INSC: variants seen among roughly 807,000 people sequenced by gnomAD.
INSC encodes the protein INSC spindle orientation adaptor protein.
Under a neutral mutation model 58.6 loss-of-function variants are expected in INSC, and 67 were observed. That is an observed-to-expected ratio of 1.14 (90% CI 0.94 to 1.40). The LOEUF is 1.40. Ranked by LOEUF, INSC falls within the 40% of genes most tolerant of loss-of-function variation. The pLI, the probability that INSC is intolerant of heterozygous loss-of-function variation, is 0.00. For synonymous variants in INSC, 262 were observed against 276.1 expected, an observed-to-expected ratio of 0.95 and a Z score of 0.51; for missense variants, 714 against 692.0, an observed-to-expected ratio of 1.03 and a Z score of -0.36.
At chr11:15,200,685 A>AGT in intron 6 of INSC, 139 bp from the exon 7 acceptor site, 1 of 991,756 alleles carries the variant, frequency 1.0e-6, no homozygotes. Flanking sequence ...AGTGTGTGTA[A>AGT]GTGTGTGTGG....
At chr11:15,238,881 C>CTGGGG in intron 10 of INSC, 38 bp from the exon 11 acceptor site, 1 of 1,596,194 alleles carries the variant, frequency 6.3e-7, no homozygotes, top group Non-Finnish European at 8.6e-7. Flanking sequence ...AGGCTCCATG[C>CTGGGG]TGGGGTAGGT....
intron 9 of INSC, among the ~76,000 whole-genome samples, chr11:15,228,143 G>T (rs1851711851): frequency 6.6e-6 from 1 of 152,224 alleles, no homozygotes; most frequent in Non-Finnish European, 1.5e-5. Flanking sequence ...GGAAGCCACT[G>T]TCAATGTTAT....
chr11:15,127,093 C>CCACT (rs1848014447), intron 1 of INSC, among the ~76,000 whole-genome samples: 1 of 152,136 alleles, frequency 6.6e-6, no homozygotes, highest in South Asian at 2.1e-4. Context: ...GTGCCTGAGG[C>CCACT]CACTGCAAGA....
At chr11:15,239,595 TG>T (rs1287972380) in intron 11 of INSC, among the ~76,000 whole-genome samples, 4 of 152,214 alleles carry the variant, frequency 2.6e-5, no homozygotes, top group African/African-American at 9.6e-5. Flanking sequence ...TTCTGAGCGC[TG>T]GGCATGTAAC....
intron 2 of INSC, among the ~76,000 whole-genome samples, chr11:15,153,699 G>A (rs923790922): frequency 2.6e-5 from 4 of 152,184 alleles, no homozygotes; most frequent in Non-Finnish European, 5.9e-5. Flanking sequence ...TAAGAAGAGA[G>A]GCTGGATTTA....
At chr11:15,118,247 T>C (rs1590324081) in intron 1 of INSC, among the ~76,000 whole-genome samples, 1 of 152,314 alleles carries the variant, frequency 6.6e-6, no homozygotes, top group Middle Eastern at 3.4e-3. Flanking sequence ...GGTCAGGGAA[T>C]CATTTGTCAC....
At chr11:15,231,420 A>T (rs1348964638) in intron 9 of INSC, among the ~76,000 whole-genome samples, 2 of 152,180 alleles carry the variant, frequency 1.3e-5, no homozygotes, top group Non-Finnish European at 2.9e-5. Context: ...ACGCACAAAA[A>T]AATCTCATAA....
intron 7 of INSC, among the ~76,000 whole-genome samples, chr11:15,211,886 G>T: frequency 6.8e-6 from 1 of 147,910 alleles, no homozygotes. Context: ...TAGCCTTTTT[G>T]TTCATCTTGT....
At chr11:15,114,603 G>A (rs926934716), upstream of INSC, among the ~76,000 whole-genome samples, 3 of 152,188 alleles carry the variant, frequency 2.0e-5, no homozygotes, top group African/African-American at 7.2e-5. Context: ...CGGCTCCCGG[G>A]CGATCACCCT....
chr11:15,263,005 T>G, the INSC span, among the ~76,000 whole-genome samples: 1 of 152,172 alleles, frequency 6.6e-6, no homozygotes, highest in Non-Finnish European at 1.5e-5. Context: ...AGGGCAAAAC[T>G]ATTAAAAATG....
chr11:15,216,928 T>C (rs1421743735), intron 7 of INSC, among the ~76,000 whole-genome samples: 1 of 152,198 alleles, frequency 6.6e-6, no homozygotes, highest in Non-Finnish European at 1.5e-5. Flanking sequence ...ATGCAGTCTC[T>C]CATTTAATAA....
rs369034823 is a variant in INSC, at chr11:15,210,371, AGCCTGTTCTGTGGGCTACAGACAT to A, written c.819+9437_819+9460del. Among the ~76,000 whole-genome samples the A allele has an allele frequency of 1.0e-3, 147 of 142,996 alleles. 3 individuals are homozygous for A. The highest frequency in any genetic ancestry group is 4.2e-3 in the African/African-American group (142 of 33,896). The allele number at this position is 142,996 out of a possible 152,430, so 93.8% of individuals were successfully genotyped here. A position where few individuals can be genotyped will look rare whatever the true frequency, so the allele number is the denominator to read the frequency against. ...TTTAGCTGGCAGGGCTAGGAATTCTAGCCTGTTCTGTGGGCTACAGACATGCCTGTTCTGTGGGTTTGGGTTGTG... is the reference window on the plus strand; with the variant it reads ...TTTAGCTGGCAGGGCTAGGAATTCTAGCCTGTTCTGTGGGTTTGGGTTGTG... On this transcript the variant is annotated intron_variant, in intron 7 of 12. Coordinates refer to ENST00000379556, the MANE Select transcript of INSC (RefSeq NM_001042536.3).
At chr11:15,121,390 A>G (rs1279358253) in intron 1 of INSC, among the ~76,000 whole-genome samples, 1 of 152,176 alleles carries the variant, frequency 6.6e-6, no homozygotes, top group Non-Finnish European at 1.5e-5. Context: ...GTTATTGTGG[A>G]TGGTTCTACA....
At chr11:15,249,644 A>G (rs184737855), downstream of INSC, among the ~76,000 whole-genome samples, 194 of 152,306 alleles carry the variant, frequency 1.3e-3, no homozygotes, top group African/African-American at 4.4e-3. Flanking sequence ...GTCCATAAAG[A>G]GAGGAGTCAG....
At chr11:15,240,973 T>C (rs1451836548) in intron 12 of INSC, among the ~76,000 whole-genome samples, 1 of 152,164 alleles carries the variant, frequency 6.6e-6, no homozygotes, top group African/African-American at 2.4e-5. Context: ...TGTAGCTCTC[T>C]CCTCCTTTGT....
At chr11:15,183,678 A>T (rs1849863517) in intron 5 of INSC, among the ~76,000 whole-genome samples, 2 of 152,206 alleles carry the variant, frequency 1.3e-5, no homozygotes, top group Admixed American at 6.5e-5. Flanking sequence ...CATCCCTAGG[A>T]TGTGATATTA....
intron 6 of INSC, among the ~76,000 whole-genome samples, chr11:15,199,958 G>A (rs958711529): frequency 6.6e-6 from 1 of 152,126 alleles, no homozygotes; most frequent in Non-Finnish European, 1.5e-5. Flanking sequence ...CAGAGCTAAG[G>A]TTGGCTCCAG....
intron 2 of INSC, among the ~76,000 whole-genome samples, chr11:15,161,343 C>A (rs12225275): frequency 0.2 from 30,372 of 152,052 alleles, 3,899 homozygotes; most frequent in Middle Eastern, 0.29. Flanking sequence ...ATATAGAACA[C>A]GTCAGAAAAT....
intron 5 of INSC, chr11:15,184,310 A>AT (rs1282820887): frequency 2.0e-3 from 309 of 152,340 alleles, no homozygotes; most frequent in South Asian, 3.1e-3. Flanking sequence ...CAGTTTTTGG[A>AT]TTTTTTTTTT....
Sources: gnomAD v4.1 joint callset for allele counts (sites outside exome capture counted in the v4.1 genomes callset) on GRCh38, gnomAD v4.1.1 for gene constraint, MANE v1.5 for transcripts, NCBI Gene and HGNC (gene_info 2026-07-23, HGNC 2026-07-21) for gene names.